The following MYO7A variants were observed in gnomAD, a reference collection of about 807,000 sequenced individuals.
MYO7A encodes myosin VIIA, also known as unconventional myosin-VIIa.
In MYO7A, 210 loss-of-function variants were observed where a neutral mutation model predicts 263.8. The ratio of observed to expected loss-of-function variants is 0.80; its 90% CI spans 0.71 to 0.89. MYO7A has a LOEUF of 0.89. MYO7A is among the 40% of genes least tolerant of loss of function. The probability of loss-of-function intolerance (pLI) is 0.00; values close to 1 mark genes in which losing one functional copy is unlikely to be tolerated. For synonymous variants in MYO7A, 1,239 were observed against 1,197.3 expected, an observed-to-expected ratio of 1.03 and a Z score of -0.72; for missense variants, 2,820 against 2,968.3, an observed-to-expected ratio of 0.95 and a Z score of 1.16.
In MYO7A at chr11:77,158,367, G is replaced by A. The variant is rs782685774; in HGVS notation, c.940G>A (p.Glu314Lys). ...AMKVLMFTDT[E>K]NWEISKLLAA... ...GAAGGTGCTCATGTTCACTGACACCGAGAACTGGGAGATCTCGAAGCTCCT... is the reference window on the plus strand; with the variant it reads ...GAAGGTGCTCATGTTCACTGACACCAAGAACTGGGAGATCTCGAAGCTCCT... Residue 314 changes from glutamate (E) to lysine (K), a missense_variant, in exon 9 of 49, where the codon GAG (glutamate) becomes AAG (lysine). By Grantham distance (56) the Glu-to-Lys change is moderately conservative. Coordinates refer to ENST00000409709, the MANE Select transcript of MYO7A (RefSeq NM_000260.4). The A allele has an allele frequency of 2.0e-5, 33 of 1,613,162 alleles. No individual in the cohort carries two copies. The highest frequency in any genetic ancestry group is 1.7e-5 in the Non-Finnish European group (20 of 1,179,818).
chr11:77,190,756 G>C lies in MYO7A; in HGVS notation c.3810G>C (p.Lys1270Asn). The C allele has an allele frequency of 6.3e-7, 1 of 1,599,882 alleles. No individual in the cohort carries two copies. The highest frequency in any genetic ancestry group is 1.1e-5 in the South Asian group (1 of 87,948). The change falls in exon 30 of 49, where the codon AAG becomes AAC. Residue 1270 changes from lysine to asparagine, a missense_variant. Transcript: ENST00000409709. ...LPVTFMDGTT[K>N]TLLTDSATTA... ...TGACATTCATGGATGGGACCACCAA[G>C]ACCCTGCTGACGGACTCGGCAACCA...
rs1279250125 is a variant in MYO7A at position 77,161,017 on chromosome 11, C to T, written c.1245C>T (p.Asn415=). Residue 415 remains asparagine, a synonymous_variant, in exon 12 of 49, where the codon AAC becomes AAT. Coordinates refer to ENST00000409709, the MANE Select transcript of MYO7A (RefSeq NM_000260.4). ...RLFVWIVDKI[N]AAIYKPPSQD... ...TCGTGTGGATTGTGGACAAGATCAA[C>T]GCAGCAATTTACAAGCCTCCCTCCC... The T allele has an allele frequency of 2.5e-6, 4 of 1,613,042 alleles. No individual in the cohort carries two copies. The South Asian group carries it at 3.3e-5, about 13-fold the overall frequency.
chr11:77,154,491 G>A (rs10899354), intron 4 of MYO7A, among the ~76,000 whole-genome samples: 1 of 151,950 alleles, frequency 6.6e-6, no homozygotes, highest in South Asian at 2.1e-4. Context: ...AGCTTCCTTT[G>A]CTTCTGCTCT....
rs540752541 is a variant in MYO7A, at chr11:77,153,916, G to A, written c.286-1991G>A. On this transcript the variant is annotated intron_variant, in intron 4 of 48. Coordinates refer to ENST00000409709, the MANE Select transcript of MYO7A (RefSeq NM_000260.4). ...GCTGCATGGCATCAGCCTGTGCTGT[G>A]TGGGGATCATGGGCCAGACGGCTGA... is the stretch of plus-strand genomic sequence containing the variant. Among the ~76,000 whole-genome samples the A allele has an allele frequency of 6.6e-5, 10 of 152,340 alleles. No individual in the cohort carries two copies. In the East Asian group the frequency reaches 1.9e-3, roughly 29 times the overall value.
chr11:77,137,267 G>A (rs1950939317), intron 2 of MYO7A, among the ~76,000 whole-genome samples: 1 of 152,170 alleles, frequency 6.6e-6, no homozygotes, highest in African/African-American at 2.4e-5. Context: ...GACAGGGAGT[G>A]GGGTAGAACT....
chr11:77,141,739 G>A (rs1951222561), intron 2 of MYO7A, among the ~76,000 whole-genome samples: 1 of 152,178 alleles, frequency 6.6e-6, no homozygotes. Flanking sequence ...TTGGCTGACT[G>A]CTTGTCACCC....
At chr11:77,146,382 G>A (rs1430732757) in intron 3 of MYO7A, among the ~76,000 whole-genome samples, 4 of 152,190 alleles carry the variant, frequency 2.6e-5, no homozygotes, top group African/African-American at 9.7e-5. Context: ...AGGCCCAGGG[G>A]ACGAGGGATT....
chr11:77,143,299 C>A (rs535287845), intron 3 of MYO7A, among the ~76,000 whole-genome samples: 11 of 152,374 alleles, frequency 7.2e-5, no homozygotes, highest in African/African-American at 2.4e-4. Context: ...ACGTGCAGAA[C>A]ACCTCAGTGA....
At chr11:77,158,871 C>T (rs1477473008) in intron 9 of MYO7A, among the ~76,000 whole-genome samples, 1 of 152,200 alleles carries the variant, frequency 6.6e-6, no homozygotes, top group East Asian at 1.9e-4. Context: ...ATGTGCCAGG[C>T]TGGGAGGTGA....
chr11:77,136,763 C>T (rs189262223), intron 2 of MYO7A, among the ~76,000 whole-genome samples: 1 of 152,352 alleles, frequency 6.6e-6, no homozygotes, highest in East Asian at 1.9e-4. Flanking sequence ...GGTTGAGGAA[C>T]TTGCCCAAGG....
intron 15 of MYO7A, among the ~76,000 whole-genome samples, chr11:77,171,935 C>T (rs1330890202): frequency 1.3e-5 from 2 of 152,186 alleles, no homozygotes; most frequent in Non-Finnish European, 2.9e-5. Flanking sequence ...CAGGATCGCC[C>T]AGGTGTGGCT....
In MYO7A at chr11:77,158,440, C is replaced by A; in HGVS notation, c.1003+10C>A. On this transcript the variant is annotated intron_variant, in intron 9 of 48. Coordinates refer to ENST00000409709, the MANE Select transcript of MYO7A (RefSeq NM_000260.4). Reference sequence around the variant, plus strand: ...AACCTGCAGTATGAGGGTGAGGCTGCGCCACACTCGCCCTGCCCCACCCCT... The same window carrying A: ...AACCTGCAGTATGAGGGTGAGGCTGAGCCACACTCGCCCTGCCCCACCCCT... 1.9e-6 allele frequency: 3 copies of A among 1,608,488 alleles called. No homozygotes were observed. Among genetic ancestry groups the A allele is most frequent in the Non-Finnish European group, 2.5e-6 (3 of 1,178,456 alleles).
chr11:77,157,408 G>A lies in MYO7A; in HGVS notation c.849+16G>A. ...CTTGGCCATGGTGAGGCCCAGGTGG[G>A]CCCCTGGGTAGGGGGGCACCCACCC... On this transcript the variant is annotated intron_variant, in intron 8 of 48. Coordinates refer to ENST00000409709, the MANE Select transcript of MYO7A (RefSeq NM_000260.4). 1 of 1,572,670 alleles carries A rather than the reference G, an allele frequency of 6.4e-7. No individual in the cohort carries two copies. The highest frequency in any genetic ancestry group is 8.7e-7 in the Non-Finnish European group (1 of 1,152,728).
At chr11:77,154,310 G>A (rs1315277913) in intron 4 of MYO7A, among the ~76,000 whole-genome samples, 5 of 152,288 alleles carry the variant, frequency 3.3e-5, no homozygotes, top group East Asian at 1.9e-4. Context: ...GAATCTAGCC[G>A]GTTCCCATGG....
intron 19 of MYO7A, among the ~76,000 whole-genome samples, chr11:77,177,918 G>A (rs1190060448): frequency 6.6e-6 from 1 of 152,106 alleles, no homozygotes; most frequent in Non-Finnish European, 1.5e-5. Flanking sequence ...AGACTCACAT[G>A]TGGACCCACT....
chr11:77,152,790 G>T (rs1279051710), intron 4 of MYO7A, among the ~76,000 whole-genome samples: 1 of 152,114 alleles, frequency 6.6e-6, no homozygotes, highest in African/African-American at 2.4e-5. Context: ...TATGATGATT[G>T]TACAGGAAGG....
At chr11:77,162,767 G>A (rs1340851156) in intron 13 of MYO7A, 86 bp from the exon 14 acceptor site, 1 of 1,527,636 alleles carries the variant, frequency 6.5e-7, no homozygotes, top group African/African-American at 1.4e-5. Context: ...TCCTGAAGAA[G>A]AGACAGGGGG....
chr11:77,149,879 G>A (rs558011700), intron 4 of MYO7A, among the ~76,000 whole-genome samples: 7 of 152,278 alleles, frequency 4.6e-5, no homozygotes, highest in Admixed American at 2.0e-4. Context: ...CCAGCAGGGA[G>A]GAGCTAGAAC....
At position 77,182,005 on chromosome 11, in the gene MYO7A, C is replaced by A. The variant is rs1955267715; in HGVS notation, c.2959C>A (p.Pro987Thr). 6.2e-7 allele frequency: 1 copy of A among 1,613,228 alleles called. No homozygotes were observed. Among genetic ancestry groups the A allele is most frequent in the Admixed American group, 1.7e-5 (1 of 59,984 alleles). ...MVEEDLDAAL[P>T]LPDEDEEDLS... ...GGAGGAGGACCTGGATGCAGCCCTG[C>A]CCCTGCCTGACGAGGATGAGGAGGA... Residue 987 changes from proline to threonine, a missense_variant, in exon 24 of 49, where the codon CCC (proline) becomes ACC (threonine). Pro to Thr is a conservative substitution (Grantham distance 38, BLOSUM62 -1). Coordinates refer to ENST00000409709, the MANE Select transcript of MYO7A (RefSeq NM_000260.4).
Sources: gnomAD v4.1 joint callset for allele counts (sites outside exome capture counted in the v4.1 genomes callset) on GRCh38, gnomAD v4.1.1 for gene constraint, MANE v1.5 for transcripts, NCBI Gene and HGNC (gene_info 2026-07-23, HGNC 2026-07-21) for gene names.